RET: variants seen among roughly 807,000 people sequenced by gnomAD.
RET encodes proto-oncogene tyrosine-protein kinase receptor Ret.
Under a neutral mutation model 118.3 loss-of-function variants are expected in RET, and 19 were observed. The ratio of observed to expected loss-of-function variants is 0.16; its 90% CI spans 0.11 to 0.24. RET has a LOEUF of 0.24. Ranked by LOEUF, RET falls within the 10% of genes least tolerant of loss-of-function variation. The pLI, the probability that RET is intolerant of heterozygous loss-of-function variation, is 1.00. For synonymous variants in RET, 597 were observed against 644.1 expected (o/e 0.93, Z 1.11); for missense variants, 1,219 against 1,502.1 (o/e 0.81, Z 3.12).
rs1042532128 is a variant in RET at position 43,106,263 on chromosome 10, A to T, written c.868-113A>T. 1.8e-4 allele frequency: 191 copies of T among 1,070,544 alleles called. 1 individual carries two copies. Among genetic ancestry groups the T allele is most frequent in the Non-Finnish European group, 8.2e-5 (59 of 719,816 alleles). 66.3% of individuals were successfully genotyped at this position (1,070,544 alleles called of 1,614,324 possible). Reference sequence around the variant, plus strand: ...CCCAGACCTGGCTCTGACAACACACATCTGGTCCACCTATGGGCTGTGTGG... The same window carrying T: ...CCCAGACCTGGCTCTGACAACACACTTCTGGTCCACCTATGGGCTGTGTGG... On this transcript the variant is annotated intron_variant, in intron 4 of 19. Transcript: ENST00000355710. The surrounding 1 kb of genome is among the most constrained non-coding windows in gnomAD (Gnocchi z 5.1).
chr10:43,107,231 C>T (rs1224616266), intron 5 of RET, among the ~76,000 whole-genome samples: 1 of 152,198 alleles, frequency 6.6e-6, no homozygotes. Flanking sequence ...TGGCCTGGTC[C>T]TGTTCATTCC....
intron 11 of RET, among the ~76,000 whole-genome samples, chr10:43,115,292 C>T (rs1200609288): frequency 1.3e-5 from 2 of 152,214 alleles, no homozygotes; most frequent in Non-Finnish European, 2.9e-5. Flanking sequence ...CGGCAGGAGC[C>T]TCCAGGGAGG....
rs2133035293 is a variant in RET at position 43,126,650 on chromosome 10, C to T, written c.3115C>T (p.Pro1039Ser). 6.2e-7 allele frequency: 1 copy of T among 1,614,142 alleles called. No homozygotes were observed. The highest frequency in any genetic ancestry group is 8.5e-7 in the Non-Finnish European group (1 of 1,180,028). ...YDDGLSEEET[P>S]LVDCNNAPLP... ...CGACGGCCTCTCAGAGGAGGAGACA[C>T]CGCTGGTGGACTGTAATAATGCCCC... The change falls in exon 19 of 20, where the codon CCG (proline) becomes TCG (serine). Residue 1039 changes from proline to serine, a missense_variant. This residue lies in a region of RET where 174 missense variants were observed against 179.3 expected (regional missense o/e 0.97). Coordinates refer to ENST00000355710, the MANE Select transcript of RET (RefSeq NM_020975.6).
intron 3 of RET, 132 bp downstream of exon 3, chr10:43,102,761 C>A: frequency 8.9e-7 from 1 of 1,125,820 alleles, no homozygotes; most frequent in Middle Eastern, 2.4e-4. Context: ...TCCAGAAGTA[C>A]CTCTTGCATG....
At chr10:43,081,048 C>T (rs1236376106) in intron 1 of RET, among the ~76,000 whole-genome samples, 1 of 152,148 alleles carries the variant, frequency 6.6e-6, no homozygotes, top group Non-Finnish European at 1.5e-5. Flanking sequence ...TTCCCATCCT[C>T]CAGGACAGCC....
chr10:43,078,528 A>G (rs1041876164), intron 1 of RET, among the ~76,000 whole-genome samples: 3 of 152,188 alleles, frequency 2.0e-5, no homozygotes, highest in Non-Finnish European at 4.4e-5. Context: ...TTGCCTTTCT[A>G]TCTTTTCTGA....
chr10:43,101,192 A>C (rs1425243074), intron 2 of RET, among the ~76,000 whole-genome samples: 1 of 149,648 alleles, frequency 6.7e-6, no homozygotes, highest in Non-Finnish European at 1.5e-5. Flanking sequence ...CAGGGAGGAA[A>C]GAGGAGCAGT....
At chr10:43,103,646 G>C (rs527984928) in intron 3 of RET, among the ~76,000 whole-genome samples, 2 of 152,258 alleles carry the variant, frequency 1.3e-5, no homozygotes, top group Admixed American at 1.3e-4. Context: ...AGTAAAGGAA[G>C]ACAAGCCATC....
chr10:43,104,954 G>A lies in RET; in HGVS notation c.628G>A (p.Glu210Lys), dbSNP rs1060500762. The change falls in exon 4 of 20, where the codon GAG becomes AAG. Residue 210 changes from glutamate to lysine, a missense_variant and splice_region_variant. Physicochemically the swap from Glu to Lys is moderately conservative, Grantham distance 56 (BLOSUM62 1). Transcript: ENST00000355710. ...GCCCCTGTCTGCTTGGTGCGCAGGTGAGGGTCTGCCCTTCCGCTGCGCCCC... is the reference window on the plus strand; with the variant it reads ...GCCCCTGTCTGCTTGGTGCGCAGGTAAGGGTCTGCCCTTCCGCTGCGCCCC... ...ISVAYRLLEG[E>K]GLPFRCAPDS... The A allele has an allele frequency of 1.2e-5, 18 of 1,563,230 alleles. No individual in the cohort carries two copies. The highest frequency in any genetic ancestry group is 1.5e-5 in the Non-Finnish European group (18 of 1,163,082).
intron 18 of RET, among the ~76,000 whole-genome samples, chr10:43,126,211 C>T (rs992766884): frequency 5.3e-5 from 8 of 152,360 alleles, no homozygotes; most frequent in Admixed American, 2.6e-4. Flanking sequence ...GGGCTGGTTC[C>T]GTGCTGCCCA....
chr10:43,129,850 CT>C lies in RET; in HGVS notation c.*1582del, dbSNP rs1393185781. On this transcript the variant is annotated 3_prime_UTR_variant, in exon 20 of 20. Transcript: ENST00000355710. ...ACACGTAACCTGGCTCTAATTTGGG[CT>C]GTTTTTCAGATACACTGTGATAAGT... 1.0e-5 allele frequency: 4 copies of C among 396,174 alleles called. No individual in the cohort carries two copies. Among genetic ancestry groups the C allele is most frequent in the Non-Finnish European group, 1.8e-5 (4 of 224,884 alleles). 24.5% of individuals were successfully genotyped at this position (396,174 alleles called of 1,614,324 possible).
At chr10:43,104,803 G>C (rs1368856573) in intron 3 of RET, 149 bp from the exon 4 acceptor site, 90 of 1,207,316 alleles carry the variant, frequency 7.5e-5, no homozygotes, top group Non-Finnish European at 9.9e-5. Context: ...TGCTCCGAGC[G>C]CTGCCCTCCC....
chr10:43,110,056 C>T (rs905109257), intron 6 of RET, among the ~76,000 whole-genome samples: 4 of 152,194 alleles, frequency 2.6e-5, no homozygotes, highest in African/African-American at 7.2e-5. Flanking sequence ...GTCCAGCCCA[C>T]GAGGGAGCCC....
In RET at chr10:43,106,360, C is replaced by T. The variant is rs1170854637; in HGVS notation, c.868-16C>T. On this transcript the variant is annotated splice_polypyrimidine_tract_variant and intron_variant, in intron 4 of 19. Coordinates refer to ENST00000355710, the MANE Select transcript of RET (RefSeq NM_020975.6). The surrounding 1 kb of genome is among the most constrained non-coding windows in gnomAD (Gnocchi z 5.1). The stretch of plus-strand genomic sequence containing the variant: ...CCATCTCGCCTGCACTGACCAACGC[C>T]CTCTGCATCCTGCAGGACACCGTGG... 1.2e-6 allele frequency: 2 copies of T among 1,606,998 alleles called. No individual in the cohort carries two copies. Among genetic ancestry groups the T allele is most frequent in the Admixed American group, 3.3e-5 (2 of 59,996 alleles).
intron 3 of RET, 48 bp from the exon 4 acceptor site, chr10:43,104,904 C>G (rs929487035): frequency 6.5e-6 from 10 of 1,539,110 alleles, no homozygotes; most frequent in Middle Eastern, 2.3e-4. Context: ...GCGGCTGGCC[C>G]GGTCCCGGCT....
chr10:43,121,475 A>G (rs1246527665), intron 15 of RET, among the ~76,000 whole-genome samples: 1 of 152,162 alleles, frequency 6.6e-6, no homozygotes, highest in Non-Finnish European at 1.5e-5. Flanking sequence ...CCTGCAATAC[A>G]ATAAGAGAGA....
intron 12 of RET, among the ~76,000 whole-genome samples, chr10:43,117,046 A>C (rs1402795908): frequency 6.6e-6 from 1 of 152,196 alleles, no homozygotes; most frequent in Non-Finnish European, 1.5e-5. Flanking sequence ...CTCTCAGCCC[A>C]GTGTCTCCTG....
rs1838175048 is a variant in RET at position 43,120,014 on chromosome 10, C to T, written c.2608-67C>T. ...ACACACCACCCCTCTGCTGGTCACA[C>T]CAGGCTGAGCCAGTGACCGCTGCTG... is the stretch of plus-strand genomic sequence containing the variant. On this transcript the variant is annotated intron_variant, in intron 14 of 19. Transcript: ENST00000355710. 3.1e-6 allele frequency: 5 copies of T among 1,601,324 alleles called. No individual in the cohort carries two copies. In the Admixed American group the frequency reaches 6.8e-5, roughly 22 times the overall value.
At chr10:43,115,764 C>T (rs993182407) in intron 11 of RET, among the ~76,000 whole-genome samples, 4 of 152,210 alleles carry the variant, frequency 2.6e-5, no homozygotes, top group African/African-American at 7.2e-5. Flanking sequence ...AGGTTGATGT[C>T]GCCCTCATGT....
Sources: allele counts gnomAD v4.1 joint callset (sites outside exome capture counted in the v4.1 genomes callset), GRCh38; gene constraint gnomAD v4.1.1; regional missense constraint gnomAD v4.1.1; non-coding constraint Gnocchi (gnomAD v3.1); transcripts MANE v1.5; gene names NCBI Gene and HGNC (gene_info 2026-07-23, HGNC 2026-07-21).